TTC3: variants seen among roughly 807,000 people sequenced by gnomAD.
TTC3 encodes tetratricopeptide repeat domain 3, also known as E3 ubiquitin-protein ligase TTC3.
TTC3 carries 180 observed loss-of-function variants against 249.6 expected under a neutral mutation model. The observed-to-expected ratio is 0.72, with a 90% confidence interval of 0.64 to 0.82. The LOEUF (loss-of-function observed/expected upper bound fraction) is 0.82. TTC3 is among the 40% of genes least tolerant of loss of function. The pLI is 0.00. For synonymous variants in TTC3, 717 were observed against 805.0 expected, an observed-to-expected ratio of 0.89 and a Z score of 1.85; for missense variants, 2,061 against 2,398.4, an observed-to-expected ratio of 0.86 and a Z score of 2.94.
intron 11 of TTC3, among the ~76,000 whole-genome samples, chr21:37,121,560 G>A (rs1393576182): frequency 6.6e-6 from 1 of 152,064 alleles, no homozygotes; most frequent in Non-Finnish European, 1.5e-5. Flanking sequence ...ACTCTGCTGG[G>A]GGTACAGAAA....
intron 1 of TTC3, among the ~76,000 whole-genome samples, chr21:37,085,382 T>C (rs985591745): frequency 2.0e-5 from 3 of 152,178 alleles, no homozygotes; most frequent in South Asian, 2.1e-4. Context: ...AGATAACCAG[T>C]CTTTTGTGGA....
At chr21:37,154,583 G>C (rs865918868) in intron 27 of TTC3, among the ~76,000 whole-genome samples, 29 of 152,328 alleles carry the variant, frequency 1.9e-4, no homozygotes, top group South Asian at 6.2e-4. Context: ...TATGCTACAC[G>C]GTCAAGACTG....
At chr21:37,084,663 G>A (rs1158839323) in intron 1 of TTC3, among the ~76,000 whole-genome samples, 1 of 152,186 alleles carries the variant, frequency 6.6e-6, no homozygotes, top group Non-Finnish European at 1.5e-5. Flanking sequence ...CAGAGTCCCT[G>A]TTCTTAACCA....
At chr21:37,193,060 T>C (rs972720043) in intron 41 of TTC3, among the ~76,000 whole-genome samples, 1 of 152,182 alleles carries the variant, frequency 6.6e-6, no homozygotes, top group Non-Finnish European at 1.5e-5. Context: ...TTGAAAGATA[T>C]AAGTTCCAGA....
chr21:37,187,620 T>G (rs1304065733), intron 38 of TTC3: 1 of 152,436 alleles, frequency 6.6e-6, no homozygotes, highest in African/African-American at 2.4e-5. Flanking sequence ...ATCAAAATTA[T>G]GACATCTGGC....
intron 15 of TTC3, among the ~76,000 whole-genome samples, chr21:37,126,628 T>C (rs189702677): frequency 1.3e-5 from 2 of 152,334 alleles, no homozygotes; most frequent in African/African-American, 2.4e-5. Flanking sequence ...ATATCACCCA[T>C]ATTGAGAACA....
intron 41 of TTC3, among the ~76,000 whole-genome samples, chr21:37,192,491 TTGTGTG>T (rs60538841): frequency 1.0e-4 from 14 of 140,596 alleles, no homozygotes; most frequent in African/African-American, 1.9e-4. Flanking sequence ...TCTTCTATCT[TTGTGTG>T]TGTGTGTGTG....
chr21:37,159,490 A>G (rs895214835), intron 28 of TTC3: 2 of 557,612 alleles, frequency 3.6e-6, no homozygotes, highest in African/African-American at 3.8e-5. Context: ...ATGCTGAATC[A>G]GATTGAAGTT....
chr21:37,196,613 A>T (rs116927299), intron 42 of TTC3, among the ~76,000 whole-genome samples: 2,700 of 152,324 alleles, frequency 0.018, 38 homozygotes, highest in South Asian at 0.026. Context: ...ACCCATGACA[A>T]TTTGCTAAGA....
chr21:37,120,791 A>G (rs893318972), intron 11 of TTC3, among the ~76,000 whole-genome samples: 41 of 152,200 alleles, frequency 2.7e-4, no homozygotes, highest in African/African-American at 9.4e-4. Context: ...GGCTTCTTGT[A>G]GTGAAAAGCT....
At chr21:37,180,926 A>T (rs186570864) in intron 35 of TTC3, among the ~76,000 whole-genome samples, 1 of 152,142 alleles carries the variant, frequency 6.6e-6, no homozygotes, top group Non-Finnish European at 1.5e-5. Flanking sequence ...GAGGTTTAAT[A>T]AAAAAGATAA....
At chr21:37,101,536 C>T (rs1016448302) in intron 10 of TTC3, among the ~76,000 whole-genome samples, 2 of 139,680 alleles carry the variant, frequency 1.4e-5, no homozygotes, top group African/African-American at 5.5e-5. Flanking sequence ...AACAAATGCA[C>T]ATGGTAAGCA....
intron 23 of TTC3, 85 bp from the exon 24 acceptor site, chr21:37,149,993 C>G (rs2079307937): frequency 1.0e-6 from 1 of 963,978 alleles, no homozygotes. Flanking sequence ...TTGACTGTTC[C>G]TAGTGGTAAA....
intron 1 of TTC3, among the ~76,000 whole-genome samples, chr21:37,075,523 T>C (rs1320327722): frequency 6.6e-6 from 1 of 152,254 alleles, no homozygotes; most frequent in Non-Finnish European, 1.5e-5. Context: ...TCACTGTCAC[T>C]GGTGTTGAGT....
intron 31 of TTC3, among the ~76,000 whole-genome samples, chr21:37,162,663 A>T (rs199678830): frequency 4.6e-5 from 7 of 152,134 alleles, no homozygotes; most frequent in African/African-American, 1.4e-4. Context: ...GCAGTTAAAA[A>T]TTACGTGGTC....
chr21:37,160,790 C>T lies in TTC3; in HGVS notation c.3040-12C>T, dbSNP rs767436556. 11 of 1,611,824 alleles carry T rather than the reference C, an allele frequency of 6.8e-6. No individual in the cohort carries two copies. The highest frequency in any genetic ancestry group is 1.3e-5 in the African/African-American group (1 of 74,814). On this transcript the variant is annotated splice_polypyrimidine_tract_variant and intron_variant, in intron 29 of 45. Transcript: ENST00000355666. ...ATTTGAGTGTTCACTGATTTTTCCC[C>T]CCATTTTTTAGTTTAGTTCAACCAA... is the stretch of plus-strand genomic sequence containing the variant.
chr21:37,197,725 CTTAT>C (rs1422830254), intron 43 of TTC3, 29 bp downstream of exon 43: 1 of 1,493,732 alleles, frequency 6.7e-7, no homozygotes, highest in East Asian at 2.4e-5. Flanking sequence ...CCAGTTTATC[CTTAT>C]TTATTTATAA....
intron 36 of TTC3, among the ~76,000 whole-genome samples, chr21:37,185,171 G>C (rs1029036191): frequency 4.6e-5 from 7 of 152,382 alleles, no homozygotes; most frequent in East Asian, 3.9e-4. Flanking sequence ...TAGCATGAAA[G>C]AAGAGGCAGA....
intron 38 of TTC3, among the ~76,000 whole-genome samples, chr21:37,187,473 A>G (rs984894094): frequency 1.3e-5 from 2 of 152,222 alleles, no homozygotes; most frequent in African/African-American, 4.8e-5. Flanking sequence ...GTGATGTACC[A>G]TGAAGTAGCC....
Sources: allele counts gnomAD v4.1 joint callset (sites outside exome capture counted in the v4.1 genomes callset), GRCh38; gene constraint gnomAD v4.1.1; transcripts MANE v1.5; gene names NCBI Gene and HGNC (gene_info 2026-07-23, HGNC 2026-07-21).